GRM5: variants seen among roughly 807,000 people sequenced by gnomAD.
The protein encoded by GRM5 is glutamate metabotropic receptor 5, also known as metabotropic glutamate receptor 5.
In GRM5, 19 loss-of-function variants were observed where a neutral mutation model predicts 83.1. The ratio of observed to expected loss-of-function variants is 0.23; its 90% CI spans 0.16 to 0.34. The LOEUF (loss-of-function observed/expected upper bound fraction) is 0.34, where lower values mean the gene tolerates loss of function less well. GRM5 is among the 10% of genes least tolerant of loss of function. The probability of loss-of-function intolerance (pLI) is 1.00; values close to 1 mark genes in which losing one functional copy is unlikely to be tolerated. For missense variants in GRM5, 1,160 were observed against 1,588.3 expected, an observed-to-expected ratio of 0.73 and a Z score of 4.58; for synonymous variants, 675 against 633.6, an observed-to-expected ratio of 1.07 and a Z score of -0.98.
intron 4 of GRM5, among the ~76,000 whole-genome samples, chr11:88,613,351 T>C (rs898626071): frequency 2.0e-5 from 3 of 152,226 alleles, no homozygotes; most frequent in African/African-American, 7.2e-5. Flanking sequence ...CATAGATCTC[T>C]AGAAACCTGT....
At chr11:88,832,419 G>T (rs11021516) in intron 3 of GRM5, among the ~76,000 whole-genome samples, 3,879 of 151,970 alleles carry the variant, frequency 0.026, 175 homozygotes, top group African/African-American at 0.089. Context: ...GGAAGCAAAA[G>T]ACCTTTACAA....
chr11:88,987,244 T>G lies in GRM5; in HGVS notation c.661+59968A>C, dbSNP rs530978495. Among the ~76,000 whole-genome samples the G allele has an allele frequency of 2.6e-5, 4 of 151,736 alleles. 1 individual carries two copies. The South Asian group carries it at 8.3e-4, about 32-fold the overall frequency. On this transcript the variant is annotated intron_variant, in intron 2 of 9. Transcript: ENST00000305447. Reference sequence around the variant, plus strand: ...TCCCTTTCCTAGTCAAAGAAAGGGGTGACCCACGGCACCTGGAAAATCGGG... The same window carrying G: ...TCCCTTTCCTAGTCAAAGAAAGGGGGGACCCACGGCACCTGGAAAATCGGG...
chr11:88,559,176 T>C (rs182794481), intron 8 of GRM5, among the ~76,000 whole-genome samples: 17 of 152,286 alleles, frequency 1.1e-4, no homozygotes, highest in Admixed American at 9.2e-4. Context: ...GAAGCTTTTG[T>C]GTACTCTATT....
At chr11:88,916,025 A>C (rs1463127337) in intron 2 of GRM5, among the ~76,000 whole-genome samples, 1 of 152,208 alleles carries the variant, frequency 6.6e-6, no homozygotes, top group East Asian at 1.9e-4. Context: ...TAAGATAATA[A>C]TAAGATAAAT....
rs373912938 is a variant in GRM5, at chr11:89,014,896, G to A, written c.661+32316C>T. 2.5e-4 allele frequency among the ~76,000 whole-genome samples: 38 copies of A among 152,204 alleles called. No homozygotes were observed. The East Asian group carries it at 3.9e-3, about 15-fold the overall frequency. On this transcript the variant is annotated intron_variant, in intron 2 of 9. Coordinates refer to ENST00000305447, the MANE Select transcript of GRM5 (RefSeq NM_001143831.3). ...GTCTTGAATGCTTGGTTCTGGCACC[G>A]CCTACTTCTTGTGGGCATAGTGCCC...
At chr11:89,042,348 T>C (rs1180443946) in intron 2 of GRM5, among the ~76,000 whole-genome samples, 1 of 152,190 alleles carries the variant, frequency 6.6e-6, no homozygotes, top group Non-Finnish European at 1.5e-5. Flanking sequence ...CAGCAATGTT[T>C]TGGAAACCAA....
chr11:88,954,483 G>A (rs577585376), intron 2 of GRM5, among the ~76,000 whole-genome samples: 5 of 152,218 alleles, frequency 3.3e-5, no homozygotes, highest in South Asian at 4.1e-4. Flanking sequence ...AAGGATAAAC[G>A]TTTATTTAAC....
intron 3 of GRM5, among the ~76,000 whole-genome samples, chr11:88,774,030 A>C (rs945968162): frequency 6.6e-6 from 1 of 152,286 alleles, no homozygotes; most frequent in Non-Finnish European, 1.5e-5. Context: ...TGAATCTATA[A>C]ATTACTTTGG....
chr11:88,935,650 T>A (rs1301126726), intron 2 of GRM5, among the ~76,000 whole-genome samples: 1 of 151,894 alleles, frequency 6.6e-6, no homozygotes, highest in African/African-American at 2.4e-5. Flanking sequence ...TGGCACAGGA[T>A]AAGACTCGTG....
At chr11:88,750,000 C>T (rs895520125) in intron 3 of GRM5, among the ~76,000 whole-genome samples, 2 of 152,054 alleles carry the variant, frequency 1.3e-5, no homozygotes, top group Non-Finnish European at 2.9e-5. Flanking sequence ...AGTACACAGA[C>T]CAGTGACACT....
At chr11:88,928,491 T>C (rs1194449532) in intron 2 of GRM5, among the ~76,000 whole-genome samples, 1 of 11,158 alleles carries the variant, frequency 9.0e-5, no homozygotes, top group Non-Finnish European at 4.0e-4. Context: ...TATGTATATA[T>C]GTATATATAT....
intron 4 of GRM5, among the ~76,000 whole-genome samples, chr11:88,611,204 T>C (rs1938305583): frequency 6.6e-6 from 1 of 152,172 alleles, no homozygotes; most frequent in Non-Finnish European, 1.5e-5. Context: ...TGCCAGGCTT[T>C]GATATCAGGA....
chr11:88,586,233 A>G (rs1943313177), intron 7 of GRM5, among the ~76,000 whole-genome samples: 1 of 152,190 alleles, frequency 6.6e-6, no homozygotes, highest in African/African-American at 2.4e-5. Context: ...TGAAAAAAAT[A>G]TATACACATA....
chr11:88,819,412 A>T (rs1257397319), intron 3 of GRM5, among the ~76,000 whole-genome samples: 1 of 152,258 alleles, frequency 6.6e-6, no homozygotes, highest in Non-Finnish European at 1.5e-5. Context: ...ATAATGAATC[A>T]GTCTAAATTA....
intron 9 of GRM5, among the ~76,000 whole-genome samples, chr11:88,521,364 C>T (rs1190377007): frequency 2.0e-5 from 3 of 152,116 alleles, no homozygotes; most frequent in Admixed American, 6.6e-5. Flanking sequence ...TTGCAGTGAG[C>T]CAAGATCGCA....
At chr11:88,763,788 A>C (rs1942575358) in intron 3 of GRM5, among the ~76,000 whole-genome samples, 2 of 151,832 alleles carry the variant, frequency 1.3e-5, no homozygotes, top group African/African-American at 4.8e-5. Flanking sequence ...CACGATAAAA[A>C]ATCAGATAAA....
At chr11:88,893,760 G>T (rs1382181326) in intron 2 of GRM5, among the ~76,000 whole-genome samples, 2 of 152,032 alleles carry the variant, frequency 1.3e-5, no homozygotes, top group East Asian at 1.9e-4. Context: ...ACCAAGAGGA[G>T]CCCTAGCTGC....
intron 2 of GRM5, among the ~76,000 whole-genome samples, chr11:88,981,235 A>C (rs998867560): frequency 6.6e-6 from 1 of 152,162 alleles, no homozygotes; most frequent in Non-Finnish European, 1.5e-5. Flanking sequence ...AGGCCACTGC[A>C]TTCAAACATT....
intron 2 of GRM5, among the ~76,000 whole-genome samples, chr11:88,873,583 G>A (rs1378974199): frequency 6.6e-6 from 1 of 151,534 alleles, no homozygotes; most frequent in Non-Finnish European, 1.5e-5. Context: ...ACAAATAAAT[G>A]AAAATTAAAC....
Sources: allele counts gnomAD v4.1 joint callset (sites outside exome capture counted in the v4.1 genomes callset), GRCh38; gene constraint gnomAD v4.1.1; transcripts MANE v1.5; gene names NCBI Gene and HGNC (gene_info 2026-07-23, HGNC 2026-07-21).